Variants in PRKG1 observed in about 807,000 individuals in gnomAD.
PRKG1 encodes protein kinase cGMP-dependent 1, also known as cGMP-dependent protein kinase 1.
A neutral mutation model predicts 88.1 loss-of-function variants in PRKG1; 35 were observed. The observed-to-expected ratio is 0.40, with a 90% CI of 0.30 to 0.53. The LOEUF is 0.53. Among genes scored for constraint, PRKG1 ranks in the 20% least tolerant of loss-of-function variants. The pLI, the probability that PRKG1 is intolerant of heterozygous loss-of-function variation, is 0.59. For synonymous variants in PRKG1, 303 were observed against 292.5 expected (o/e 1.04, Z -0.37); for missense variants, 540 against 839.8 (o/e 0.64, Z 4.41).
rs577930449 is a variant in PRKG1 at position 51,464,614 on chromosome 10, G to A, written c.479-3109G>A. Among the ~76,000 whole-genome samples, 13 of 152,002 alleles carry A rather than the reference G, an allele frequency of 8.6e-5. No homozygotes were observed. In the South Asian group the frequency reaches 2.5e-3, roughly 29 times the overall value. Reference sequence around the variant, plus strand: ...GGCAAATATAAGATAAGATCAGGCCGGGTGCGGTGGCTCACGCCTGTAATC... The same window carrying A: ...GGCAAATATAAGATAAGATCAGGCCAGGTGCGGTGGCTCACGCCTGTAATC... On this transcript the variant is annotated intron_variant, in intron 2 of 17. Transcript: ENST00000373980.
At chr10:51,377,584 G>GTT (rs1842842453) in intron 2 of PRKG1, among the ~76,000 whole-genome samples, 1 of 151,434 alleles carries the variant, frequency 6.6e-6, no homozygotes, top group South Asian at 2.1e-4. Flanking sequence ...GGTTATGTGT[G>GTT]TTTATCCCAC....
chr10:51,009,690 A>G (rs1842972137), intron 1 of PRKG1, among the ~76,000 whole-genome samples: 1 of 152,226 alleles, frequency 6.6e-6, no homozygotes, highest in Admixed American at 6.5e-5. Flanking sequence ...TTATGATAAT[A>G]TATTTCTTTC....
chr10:51,266,457 A>G (rs1839838217), intron 2 of PRKG1, among the ~76,000 whole-genome samples: 2 of 152,234 alleles, frequency 1.3e-5, no homozygotes, highest in East Asian at 1.9e-4. Context: ...TGTTATCTGT[A>G]TAAGTGTTAG....
chr10:51,567,348 T>C (rs1213734302), intron 3 of PRKG1, among the ~76,000 whole-genome samples: 1 of 152,056 alleles, frequency 6.6e-6, no homozygotes, highest in Non-Finnish European at 1.5e-5. Context: ...CCCTGGGACC[T>C]TTCCCTGTCA....
intron 4 of PRKG1, among the ~76,000 whole-genome samples, chr10:51,874,899 A>G (rs1346282525): frequency 6.6e-6 from 1 of 152,172 alleles, no homozygotes; most frequent in African/African-American, 2.4e-5. Flanking sequence ...TAGTTAGGTA[A>G]TTAAATAATT....
chr10:52,296,604 A>C lies in PRKG1; in HGVS notation c.*2704A>C, dbSNP rs1842388071. The C allele has an allele frequency of 6.6e-6, 1 of 152,024 alleles. No homozygotes were observed. Among genetic ancestry groups the C allele is most frequent in the Admixed American group, 6.6e-5 (1 of 15,234 alleles). The allele number at this position is 152,024 out of a possible 1,614,324, so 9.4% of individuals were successfully genotyped here. A position where few individuals can be genotyped will look rare whatever the true frequency, so the allele number is the denominator to read the frequency against. On this transcript the variant is annotated 3_prime_UTR_variant, in exon 18 of 18. Coordinates refer to ENST00000373980, the MANE Select transcript of PRKG1 (RefSeq NM_006258.4). ...TTTTCTTACATTAAAGAACATCTGG[A>C]TAAGTTAGAATAGTGCCAACTTGTT...
chr10:51,144,669 C>T (rs1845899071), intron 1 of PRKG1, among the ~76,000 whole-genome samples: 1 of 152,112 alleles, frequency 6.6e-6, no homozygotes, highest in Admixed American at 6.6e-5. Flanking sequence ...TTAATATAAA[C>T]ACCATCTCAC....
rs796675434 is a variant in PRKG1, at chr10:51,222,129, C to G, written c.478+68799C>G. 2.5e-3 allele frequency among the ~76,000 whole-genome samples: 304 copies of G among 123,598 alleles called. 1 individual carries two copies. The highest frequency in any genetic ancestry group is 0.013 in the African/African-American group (277 of 21,756). 81.1% of individuals were successfully genotyped at this position (123,598 alleles called of 152,430 possible). ...TGGCCTCACGTGATCCGCGCCCCCC[C>G]CCGACCCCAGCCTCCCAAAGTGTTG... On this transcript the variant is annotated intron_variant, in intron 2 of 17. Coordinates refer to ENST00000373980, the MANE Select transcript of PRKG1 (RefSeq NM_006258.4).
chr10:52,205,496 G>A (rs1194489), intron 9 of PRKG1, among the ~76,000 whole-genome samples: 151,653 of 152,260 alleles, frequency 1, 75,527 homozygotes, highest in Middle Eastern at 1. Flanking sequence ...AGTTCCCCCA[G>A]TAATAATGTC....
At chr10:52,274,640 G>A (rs1205545916) in intron 12 of PRKG1, among the ~76,000 whole-genome samples, 2 of 151,660 alleles carry the variant, frequency 1.3e-5, no homozygotes, top group African/African-American at 4.8e-5. Flanking sequence ...CCATGATTTT[G>A]CAATTGTGAA....
chr10:51,762,962 A>C (rs1819221696), intron 3 of PRKG1, among the ~76,000 whole-genome samples: 1 of 152,224 alleles, frequency 6.6e-6, no homozygotes, highest in Non-Finnish European at 1.5e-5. Flanking sequence ...AAAATCTGGT[A>C]TCCTAGTCCC....
intron 3 of PRKG1, among the ~76,000 whole-genome samples, chr10:51,700,293 G>C (rs2132412510): frequency 6.6e-6 from 1 of 152,294 alleles, no homozygotes; most frequent in East Asian, 1.9e-4. Context: ...CACACGGGCA[G>C]CCGTCGTGCT....
intron 3 of PRKG1, among the ~76,000 whole-genome samples, chr10:51,578,091 G>A (rs1197852394): frequency 1.3e-5 from 2 of 152,032 alleles, no homozygotes; most frequent in African/African-American, 2.4e-5. Flanking sequence ...CCTCTTCCTA[G>A]AGAGTTGATA....
At chr10:51,984,148 G>T (rs1844089716) in intron 5 of PRKG1, among the ~76,000 whole-genome samples, 1 of 152,118 alleles carries the variant, frequency 6.6e-6, no homozygotes, top group Non-Finnish European at 1.5e-5. Context: ...CCTAAAGAAA[G>T]AAAACTTCTC....
intron 9 of PRKG1, among the ~76,000 whole-genome samples, chr10:52,170,651 T>C (rs1251319872): frequency 6.6e-6 from 1 of 152,226 alleles, no homozygotes; most frequent in Non-Finnish European, 1.5e-5. Flanking sequence ...TTAAATATTT[T>C]ACTTCTATTT....
At chr10:51,760,737 G>A (rs987181274) in intron 3 of PRKG1, among the ~76,000 whole-genome samples, 1 of 152,166 alleles carries the variant, frequency 6.6e-6, no homozygotes, top group East Asian at 2.0e-4. Flanking sequence ...TTCCCGTGGT[G>A]CTGGGATTAC....
chr10:51,935,175 G>A (rs1842775941), intron 5 of PRKG1, among the ~76,000 whole-genome samples: 1 of 152,050 alleles, frequency 6.6e-6, no homozygotes, highest in Non-Finnish European at 1.5e-5. Context: ...AGTTGACTGG[G>A]AAGAGCCTCT....
At chr10:51,305,863 G>GAAC (rs752284020) in intron 2 of PRKG1, among the ~76,000 whole-genome samples, 145 of 152,206 alleles carry the variant, frequency 9.5e-4, no homozygotes, top group Admixed American at 3.0e-3. Context: ...TGATATGGAG[G>GAAC]GCTTTTGTAA....
chr10:51,465,676 C>T (rs924669707), intron 2 of PRKG1, among the ~76,000 whole-genome samples: 2 of 152,114 alleles, frequency 1.3e-5, no homozygotes, highest in African/African-American at 4.8e-5. Flanking sequence ...AAAAGGTTCT[C>T]TCCTCAACCC....
Sources: gnomAD v4.1 joint callset for allele counts (sites outside exome capture counted in the v4.1 genomes callset) on GRCh38, gnomAD v4.1.1 for gene constraint, MANE v1.5 for transcripts, NCBI Gene and HGNC (gene_info 2026-07-23, HGNC 2026-07-21) for gene names.